Variants in CTNNBL1 observed in about 807,000 individuals in gnomAD.
The protein encoded by CTNNBL1 is catenin beta like 1.
CTNNBL1 carries 31 observed loss-of-function variants against 72.7 expected under a neutral mutation model. The observed-to-expected ratio is 0.43, with a 90% confidence interval of 0.32 to 0.58. The LOEUF (loss-of-function observed/expected upper bound fraction) is 0.58. CTNNBL1 is among the 20% of genes least tolerant of loss of function. The pLI is 0.08. For synonymous variants in CTNNBL1, 240 were observed against 267.3 expected (o/e 0.90, Z 1.00); for missense variants, 534 against 725.1 (o/e 0.74, Z 3.03).
chr20:37,858,453 C>G (rs1433105251), intron 13 of CTNNBL1, among the ~76,000 whole-genome samples: 2 of 152,218 alleles, frequency 1.3e-5, no homozygotes, highest in African/African-American at 4.8e-5. Context: ...GCCTTAAAAT[C>G]AGGAAAGCCT....
chr20:37,782,813 A>G (rs1296889497), intron 10 of CTNNBL1, among the ~76,000 whole-genome samples: 1 of 152,210 alleles, frequency 6.6e-6, no homozygotes, highest in Non-Finnish European at 1.5e-5. Flanking sequence ...TAGATTTCAT[A>G]AAATTTAGAG....
chr20:37,780,241 T>C (rs1028296390), intron 10 of CTNNBL1, among the ~76,000 whole-genome samples: 2 of 152,126 alleles, frequency 1.3e-5, no homozygotes, highest in Admixed American at 1.3e-4. Flanking sequence ...TGAACTAAGA[T>C]ATTTCTTTGG....
At chr20:37,846,806 G>C (rs1399493104) in intron 13 of CTNNBL1, among the ~76,000 whole-genome samples, 2 of 152,052 alleles carry the variant, frequency 1.3e-5, no homozygotes, top group African/African-American at 2.4e-5. Flanking sequence ...CCTCCTCTCT[G>C]CTATCAGGTC....
chr20:37,776,259 G>T (rs1447182055), intron 7 of CTNNBL1, among the ~76,000 whole-genome samples: 2 of 152,162 alleles, frequency 1.3e-5, no homozygotes, highest in African/African-American at 4.8e-5. Context: ...AAACCCTGTA[G>T]GCTGCACTTA....
chr20:37,845,373 C>T (rs77066973), intron 13 of CTNNBL1, among the ~76,000 whole-genome samples: 1,561 of 152,296 alleles, frequency 0.01, 30 homozygotes, highest in African/African-American at 0.034. Context: ...GGAGAGTAAT[C>T]GCTGCAGCCA....
At chr20:37,799,336 T>A (rs956877962) in intron 10 of CTNNBL1, among the ~76,000 whole-genome samples, 4 of 152,250 alleles carry the variant, frequency 2.6e-5, no homozygotes, top group Non-Finnish European at 5.9e-5. Context: ...GTGGAGCCTG[T>A]CATGACCGTG....
Position 37,694,070 on chromosome 20 carries a change from C to G in CTNNBL1, c.-53C>G, listed in dbSNP as rs1330394937. 2.5e-6 allele frequency: 4 copies of G among 1,586,148 alleles called. No individual in the cohort carries two copies. Among genetic ancestry groups the G allele is most frequent in the Non-Finnish European group, 3.4e-6 (4 of 1,167,834 alleles). On this transcript the variant is annotated 5_prime_UTR_variant, in exon 1 of 16. Transcript: ENST00000361383. ...GTGGCTGGAGCCGCGGCTGACGGGC[C>G]CGCGGTCTGGGCGTGAGTGCAGGGA...
chr20:37,754,794 C>T (rs1025502966), intron 4 of CTNNBL1, among the ~76,000 whole-genome samples: 1 of 151,876 alleles, frequency 6.6e-6, no homozygotes, highest in African/African-American at 2.4e-5. Flanking sequence ...CTTACTATTG[C>T]AGTGACCTTT....
chr20:37,809,224 A>G lies in CTNNBL1; in HGVS notation c.1213+6176A>G, dbSNP rs1034570775. Among the ~76,000 whole-genome samples the G allele has an allele frequency of 1.7e-4, 26 of 152,224 alleles. 1 individual carries two copies. Among genetic ancestry groups the G allele is most frequent in the Admixed American group, 3.9e-4 (6 of 15,286 alleles). ...ATATTTACCACAAAACTATATTACAATTACAAAGACATACTAGACAAGAAT... is the reference window on the plus strand; with the variant it reads ...ATATTTACCACAAAACTATATTACAGTTACAAAGACATACTAGACAAGAAT... On this transcript the variant is annotated intron_variant, in intron 11 of 15. Transcript: ENST00000361383.
intron 10 of CTNNBL1, among the ~76,000 whole-genome samples, chr20:37,780,820 A>G (rs1319439715): frequency 6.6e-6 from 1 of 152,194 alleles, no homozygotes; most frequent in East Asian, 1.9e-4. Context: ...TTTTCTGATC[A>G]TTGTTATAAC....
At chr20:37,843,565 A>G (rs1018802129) in intron 13 of CTNNBL1, among the ~76,000 whole-genome samples, 2 of 152,160 alleles carry the variant, frequency 1.3e-5, no homozygotes, top group Middle Eastern at 3.2e-3. Flanking sequence ...ATGTGGCAAG[A>G]TTACCTTTTC....
intron 5 of CTNNBL1, among the ~76,000 whole-genome samples, chr20:37,758,427 G>A (rs1293865579): frequency 2.0e-5 from 3 of 152,328 alleles, no homozygotes; most frequent in Non-Finnish European, 4.4e-5. Context: ...TACATGTGAG[G>A]AAACCCAGCT....
At chr20:37,823,534 G>A (rs574019825) in intron 11 of CTNNBL1, among the ~76,000 whole-genome samples, 4 of 152,308 alleles carry the variant, frequency 2.6e-5, no homozygotes, top group Non-Finnish European at 5.9e-5. Flanking sequence ...GGGAAGAATA[G>A]GAGGAGGAGG....
At chr20:37,735,624 T>C (rs1369637857) in intron 2 of CTNNBL1, among the ~76,000 whole-genome samples, 1 of 152,166 alleles carries the variant, frequency 6.6e-6, no homozygotes, top group African/African-American at 2.4e-5. Flanking sequence ...CTGTAGACCC[T>C]GGGGAGGAGG....
rs187228998 is a variant in CTNNBL1 at position 37,830,063 on chromosome 20, G to C, written c.1214-10039G>C. Among the ~76,000 whole-genome samples the C allele has an allele frequency of 2.6e-5, 4 of 152,122 alleles. No individual in the cohort carries two copies. In the East Asian group the frequency reaches 7.7e-4, roughly 29 times the overall value. ...GCCTAGGCTGGTCTCAAACTCCTAGGCTCAAGCAATCTAACCAGCCTTGAC... is the reference window on the plus strand; with the variant it reads ...GCCTAGGCTGGTCTCAAACTCCTAGCCTCAAGCAATCTAACCAGCCTTGAC... On this transcript the variant is annotated intron_variant, in intron 11 of 15. Transcript: ENST00000361383.
At chr20:37,732,225 A>G (rs2073135138) in intron 1 of CTNNBL1, among the ~76,000 whole-genome samples, 1 of 152,156 alleles carries the variant, frequency 6.6e-6, no homozygotes, top group South Asian at 2.1e-4. Flanking sequence ...AGAAGTGTCT[A>G]TTTAGGTCCT....
chr20:37,731,957 A>G (rs1053965845), intron 1 of CTNNBL1, among the ~76,000 whole-genome samples: 1 of 152,166 alleles, frequency 6.6e-6, no homozygotes, highest in Non-Finnish European at 1.5e-5. Flanking sequence ...TCATATGATA[A>G]TTCTATTTTT....
intron 1 of CTNNBL1, among the ~76,000 whole-genome samples, chr20:37,705,353 T>C (rs6012874): frequency 2.6e-5 from 4 of 152,230 alleles, no homozygotes; most frequent in African/African-American, 9.6e-5. Flanking sequence ...AATTTGGATA[T>C]TGCTAAGTAG....
intron 10 of CTNNBL1, among the ~76,000 whole-genome samples, chr20:37,793,140 G>A (rs919931921): frequency 2.0e-5 from 3 of 152,162 alleles, no homozygotes; most frequent in Admixed American, 1.3e-4. Flanking sequence ...TGTCAAATAG[G>A]TTAAGTTGCT....
Sources: gnomAD v4.1 joint callset for allele counts (sites outside exome capture counted in the v4.1 genomes callset) on GRCh38, gnomAD v4.1.1 for gene constraint, MANE v1.5 for transcripts, NCBI Gene and HGNC (gene_info 2026-07-23, HGNC 2026-07-21) for gene names.